The following CDC42BPB variants were observed in gnomAD, a reference collection of about 807,000 sequenced individuals.
CDC42BPB encodes CDC42 binding protein kinase beta.
In CDC42BPB, 37 loss-of-function variants were observed where a neutral mutation model predicts 214.9. That is an observed-to-expected ratio of 0.17 (90% confidence interval 0.13 to 0.23). The LOEUF (loss-of-function observed/expected upper bound fraction) is 0.23, where lower values mean the gene tolerates loss of function less well. Ranked by LOEUF, CDC42BPB falls within the 10% of genes least tolerant of loss-of-function variation. The pLI, the probability that CDC42BPB is intolerant of heterozygous loss-of-function variation, is 1.00. For synonymous variants in CDC42BPB, 931 were observed against 884.0 expected, an observed-to-expected ratio of 1.05 and a Z score of -0.94; for missense variants, 1,694 against 2,227.0, an observed-to-expected ratio of 0.76 and a Z score of 4.82.
chr14:102,974,883 T>G (rs939987039), intron 11 of CDC42BPB, among the ~76,000 whole-genome samples: 1 of 152,052 alleles, frequency 6.6e-6, no homozygotes, highest in Non-Finnish European at 1.5e-5. Flanking sequence ...GAGGCGGAGC[T>G]TGCAGTGAGC....
Position 102,975,776 on chromosome 14 carries a change from T to C in CDC42BPB, c.1415A>G (p.His472Arg). The C allele has an allele frequency of 1.9e-6, 3 of 1,614,240 alleles. No homozygotes were observed. The highest frequency in any genetic ancestry group is 1.3e-5 in the African/African-American group (1 of 75,064). Residue 472 changes from histidine to arginine, a missense_variant, in exon 11 of 37, where the codon CAC becomes CGC. Coordinates refer to ENST00000361246, the MANE Select transcript of CDC42BPB (RefSeq NM_006035.4). ...QESTQTVQSLHGSSRALSNSN... is the reference protein window; with the variant it reads ...QESTQTVQSLRGSSRALSNSN... Reference sequence around the variant, plus strand: ...ATTGCTGAGGGCCCGAGATGAGCCGTGGAGGGACTGCACGGTCTGGGTGGA... The same window carrying C: ...ATTGCTGAGGGCCCGAGATGAGCCGCGGAGGGACTGCACGGTCTGGGTGGA...
In CDC42BPB at chr14:102,959,656, G is replaced by T. The variant is rs759941973; in HGVS notation, c.2876C>A (p.Pro959His). The change falls in exon 21 of 37, where the codon CCT becomes CAT. Residue 959 changes from proline (P) to histidine (H), a missense_variant. Pro to His is a moderately conservative substitution (Grantham distance 77, BLOSUM62 -2). Coordinates refer to ENST00000361246, the MANE Select transcript of CDC42BPB (RefSeq NM_006035.4). ...TCTAAATGTCAGGTCATGTGCAAGA[G>T]GAGCAGTGTTGAAATACTCAAAAAT... ...DSIFEYFNTA[P>H]LAHDLTFRTS... is the part of the protein sequence containing the mutation. 1 of 1,609,256 alleles carries T rather than the reference G, an allele frequency of 6.2e-7. No homozygotes were observed. Among genetic ancestry groups the T allele is most frequent in the Admixed American group, 1.7e-5 (1 of 59,718 alleles).
chr14:102,936,479 G>A (rs1258289813), intron 36 of CDC42BPB, among the ~76,000 whole-genome samples: 2 of 152,160 alleles, frequency 1.3e-5, no homozygotes, highest in Non-Finnish European at 2.9e-5. Context: ...TATGCCAGGT[G>A]AGAGCTAGGC....
At chr14:102,976,170 TA>T in intron 9 of CDC42BPB, 121 bp from the exon 10 acceptor site, 2 of 1,482,044 alleles carry the variant, frequency 1.3e-6, no homozygotes, top group Non-Finnish European at 1.8e-6. Flanking sequence ...ACACCTGAGA[TA>T]AGACTTTATG....
intron 7 of CDC42BPB, among the ~76,000 whole-genome samples, chr14:102,982,349 G>T (rs900199739): frequency 6.6e-6 from 1 of 152,188 alleles, no homozygotes; most frequent in Non-Finnish European, 1.5e-5. Context: ...AACTGTGGGA[G>T]GCCCTGGCTG....
chr14:103,012,254 G>A (rs1225501979), intron 1 of CDC42BPB, 66 bp from the exon 2 acceptor site: 64 of 1,498,638 alleles, frequency 4.3e-5, no homozygotes, highest in Non-Finnish European at 5.6e-5. Context: ...AAATTTAATT[G>A]AGTGGGGTGT....
rs113651064 is a variant in CDC42BPB, at chr14:102,987,319, G to A, written c.597-739C>T. On this transcript the variant is annotated intron_variant, in intron 5 of 36. Transcript: ENST00000361246. ...TCTGTGCGCTCTCAAACACATGTGCGGGTGCAGGGCACCTCAGAGCATGAA... is the reference window on the plus strand; with the variant it reads ...TCTGTGCGCTCTCAAACACATGTGCAGGTGCAGGGCACCTCAGAGCATGAA... Among the ~76,000 whole-genome samples the A allele has an allele frequency of 2.1e-3, 321 of 152,356 alleles. 2 individuals carry two copies. The highest frequency in any genetic ancestry group is 7.1e-3 in the African/African-American group (296 of 41,580).
At chr14:102,970,055 C>G (rs920993107) in intron 14 of CDC42BPB, 96 bp downstream of exon 14, 5 of 995,282 alleles carry the variant, frequency 5.0e-6, no homozygotes, top group Non-Finnish European at 7.6e-6. Flanking sequence ...ACACTCGGCC[C>G]GGACCACACA....
intron 1 of CDC42BPB, 45 bp downstream of exon 1, chr14:103,056,954 G>A (rs970711116): frequency 7.8e-7 from 1 of 1,283,282 alleles, no homozygotes; most frequent in South Asian, 1.8e-5. Context: ...GCTGGGGCGC[G>A]GGGGTCGCAG....
intron 28 of CDC42BPB, 21 bp downstream of exon 28, chr14:102,946,447 G>A (rs1595453320): frequency 6.2e-7 from 1 of 1,611,950 alleles, no homozygotes; most frequent in Non-Finnish European, 8.5e-7. Flanking sequence ...ACACCTGAAG[G>A]ACACAACCTT....
rs74330935 is a variant in CDC42BPB at position 103,007,134 on chromosome 14, G to A, written c.351+1338C>T. ...AGACCGTGTACACCCCAGAAGCTGG[G>A]AGACCCAGGGGGCCGAAGCAATCAC... On this transcript the variant is annotated intron_variant, in intron 3 of 36. Coordinates refer to ENST00000361246, the MANE Select transcript of CDC42BPB (RefSeq NM_006035.4). 2.9e-3 allele frequency among the ~76,000 whole-genome samples: 439 copies of A among 152,320 alleles called. 2 individuals are homozygous for A. Among genetic ancestry groups the A allele is most frequent in the African/African-American group, 9.9e-3 (412 of 41,574 alleles).
chr14:102,944,271 C>T lies in CDC42BPB; in HGVS notation c.4028G>A (p.Cys1343Tyr). 1 of 1,613,228 alleles carries T rather than the reference C, an allele frequency of 6.2e-7. No homozygotes were observed. The highest frequency in any genetic ancestry group is 1.6e-4 in the Middle Eastern group (1 of 6,062). ...CAGCCGTTTCACGGCCACAAACAGGCAGGTGCCAGAGTTCCTCTTGAGTGT... is the reference window on the plus strand; with the variant it reads ...CAGCCGTTTCACGGCCACAAACAGGTAGGTGCCAGAGTTCCTCTTGAGTGT... ...TATLKRNSGT[C>Y]LFVAVKRLIL... The change falls in exon 30 of 37, where the codon TGC becomes TAC. Residue 1343 changes from cysteine to tyrosine, a missense_variant. Coordinates refer to ENST00000361246, the MANE Select transcript of CDC42BPB (RefSeq NM_006035.4). This position sits in a 1 kb window ranked among gnomAD's most constrained non-coding sequence, Gnocchi z 6.6.
chr14:103,052,510 C>T (rs1174418515), intron 1 of CDC42BPB, among the ~76,000 whole-genome samples: 2 of 152,180 alleles, frequency 1.3e-5, no homozygotes, highest in African/African-American at 4.8e-5. Flanking sequence ...GTGGCATCAT[C>T]CCACTCACAC....
chr14:102,959,107 G>A (rs1892840888), intron 21 of CDC42BPB, among the ~76,000 whole-genome samples: 4 of 151,876 alleles, frequency 2.6e-5, no homozygotes, highest in African/African-American at 7.2e-5. Context: ...GACCAGCCTC[G>A]CCAATATGGT....
intron 4 of CDC42BPB, among the ~76,000 whole-genome samples, chr14:103,003,695 C>T (rs1048482530): frequency 2.6e-5 from 4 of 152,188 alleles, no homozygotes; most frequent in Admixed American, 6.5e-5. Context: ...AGCAAACAAA[C>T]GAATCAGCTT....
chr14:102,965,388 T>TAAAAAAAAAAAAAAAA (rs765936398), intron 18 of CDC42BPB, among the ~76,000 whole-genome samples: 1 of 115,268 alleles, frequency 8.7e-6, no homozygotes, highest in Non-Finnish European at 1.8e-5. Context: ...TACCTGTGAT[T>TAAAAAAAAAAAAAAAA]AAAAAAAAAA....
chr14:103,011,846 A>G (rs1357970232), intron 2 of CDC42BPB, among the ~76,000 whole-genome samples: 1 of 151,858 alleles, frequency 6.6e-6, no homozygotes, highest in African/African-American at 2.4e-5. Context: ...TCTTCATTCT[A>G]TCTTTCAGAT....
intron 36 of CDC42BPB, among the ~76,000 whole-genome samples, chr14:102,936,789 G>A (rs1339231824): frequency 6.6e-6 from 1 of 152,224 alleles, no homozygotes. Context: ...TGCCCAGCTA[G>A]AGTGGAAATG....
At position 103,057,077 on chromosome 14, in the gene CDC42BPB, C is replaced by G. The variant is rs763422325; in HGVS notation, c.97G>C (p.Val33Leu). ...SALSVETLLD[V>L]LVCLYTECSH... The stretch of plus-strand genomic sequence containing the variant: ...CACTCGGTGTACAGGCAGACGAGCA[C>G]GTCGAGCAGCGTTTCCACGCTCAGG... The change falls in exon 1 of 37, where the codon GTG becomes CTG. Residue 33 changes from valine to leucine, a missense_variant. By Grantham distance (32) the Val-to-Leu change is conservative (BLOSUM62 1). Around this residue, in one of 7 missense-constraint regions of CDC42BPB, gnomAD observed 83 missense variants for 79.9 expected, o/e 1.04. Coordinates refer to ENST00000361246, the MANE Select transcript of CDC42BPB (RefSeq NM_006035.4). 2.0e-6 allele frequency: 3 copies of G among 1,524,922 alleles called. No individual in the cohort carries two copies. 94.5% of individuals were successfully genotyped at this position (1,524,922 alleles called of 1,614,324 possible). A position where few individuals can be genotyped will look rare whatever the true frequency, so the allele number is the denominator to read the frequency against.
Sources: allele counts gnomAD v4.1 joint callset (sites outside exome capture counted in the v4.1 genomes callset), GRCh38; gene constraint gnomAD v4.1.1; regional missense constraint gnomAD v4.1.1; non-coding constraint Gnocchi (gnomAD v3.1); transcripts MANE v1.5; gene names NCBI Gene and HGNC (gene_info 2026-07-23, HGNC 2026-07-21).